The following DLGAP1 variants were observed in gnomAD, a reference collection of about 807,000 sequenced individuals.
DLGAP1 encodes the protein DLG associated protein 1, also known as disks large-associated protein 1.
Under a neutral mutation model 90.8 loss-of-function variants are expected in DLGAP1, and 11 were observed. That is an observed-to-expected ratio of 0.12 (90% CI 0.08 to 0.20). The LOEUF (loss-of-function observed/expected upper bound fraction) is 0.20. Among genes scored for constraint, DLGAP1 ranks in the 10% least tolerant of loss-of-function variants. The pLI, the probability that DLGAP1 is intolerant of heterozygous loss-of-function variation, is 1.00. For synonymous variants in DLGAP1, 558 were observed against 540.7 expected, an observed-to-expected ratio of 1.03 and a Z score of -0.44; for missense variants, 1,050 against 1,333.8, an observed-to-expected ratio of 0.79 and a Z score of 3.31.
intron 5 of DLGAP1, among the ~76,000 whole-genome samples, chr18:3,776,804 A>T (rs932442421): frequency 3.3e-5 from 5 of 152,072 alleles, no homozygotes; most frequent in African/African-American, 1.2e-4. Flanking sequence ...TAATTAATTA[A>T]TTTTGAGACA....
chr18:3,632,120 G>A (rs553302785), intron 7 of DLGAP1, among the ~76,000 whole-genome samples: 28 of 152,152 alleles, frequency 1.8e-4, no homozygotes, highest in African/African-American at 4.3e-4. Context: ...ATGCCCATGC[G>A]TCCTTACTTA....
intron 1 of DLGAP1, among the ~76,000 whole-genome samples, chr18:4,263,282 A>G (rs2145280116): frequency 1.3e-5 from 2 of 152,308 alleles, no homozygotes; most frequent in South Asian, 4.1e-4. Context: ...TGGTTCTGCA[A>G]CTATCAATAC....
chr18:4,017,939 C>T (rs2074549479), intron 2 of DLGAP1, among the ~76,000 whole-genome samples: 1 of 151,948 alleles, frequency 6.6e-6, no homozygotes, highest in African/African-American at 2.4e-5. Flanking sequence ...ATTCAGTTTG[C>T]TTTTCAAAAG....
At chr18:3,552,528 G>A (rs2053533629) in intron 9 of DLGAP1, among the ~76,000 whole-genome samples, 1 of 152,198 alleles carries the variant, frequency 6.6e-6, no homozygotes, top group Non-Finnish European at 1.5e-5. Flanking sequence ...GCCATGTAGA[G>A]GGTTCTGTGC....
chr18:3,786,456 T>C (rs555176264), intron 5 of DLGAP1, among the ~76,000 whole-genome samples: 2 of 152,148 alleles, frequency 1.3e-5, no homozygotes, highest in Non-Finnish European at 2.9e-5. Flanking sequence ...CAGAGGCACA[T>C]GTGGGCTTAG....
chr18:3,895,966 A>AT (rs1362500712), intron 3 of DLGAP1: 23 of 152,154 alleles, frequency 1.5e-4, no homozygotes, highest in Admixed American at 1.4e-3. Context: ...AGGAGGGAAG[A>AT]TTTTTTCTCT....
At chr18:4,357,991 G>A (rs1034925763) in intron 1 of DLGAP1, among the ~76,000 whole-genome samples, 2 of 152,204 alleles carry the variant, frequency 1.3e-5, no homozygotes, top group African/African-American at 4.8e-5. Context: ...GCTTGCCCAA[G>A]GCTGGAGCTT....
intron 9 of DLGAP1, among the ~76,000 whole-genome samples, chr18:3,539,159 A>G (rs1220413229): frequency 6.6e-6 from 1 of 152,222 alleles, no homozygotes; most frequent in Non-Finnish European, 1.5e-5. Context: ...TTCATAAGCA[A>G]AGTTCCTTTT....
At chr18:3,671,684 C>T (rs1187536559) in intron 7 of DLGAP1, among the ~76,000 whole-genome samples, 2 of 152,190 alleles carry the variant, frequency 1.3e-5, no homozygotes, top group Admixed American at 6.5e-5. Flanking sequence ...GATATATTCT[C>T]CCACACATAC....
intron 7 of DLGAP1, among the ~76,000 whole-genome samples, chr18:3,712,736 G>A (rs993726273): frequency 1.3e-5 from 2 of 152,204 alleles, no homozygotes; most frequent in African/African-American, 4.8e-5. Context: ...CTTTCCCACA[G>A]TGCATATGGG....
At chr18:4,003,280 G>A (rs2074234442) in intron 3 of DLGAP1, among the ~76,000 whole-genome samples, 1 of 152,148 alleles carries the variant, frequency 6.6e-6, no homozygotes, top group African/African-American at 2.4e-5. Flanking sequence ...CATGGAATTG[G>A]CCATGGGTCC....
intron 1 of DLGAP1, among the ~76,000 whole-genome samples, chr18:4,404,413 G>A (rs1047828546): frequency 2.2e-4 from 34 of 152,134 alleles, no homozygotes; most frequent in Admixed American, 1.7e-3. Context: ...TCTGGAGACC[G>A]CAAGAAAACA....
intron 1 of DLGAP1, among the ~76,000 whole-genome samples, chr18:4,229,135 G>A (rs1029610484): frequency 9.9e-5 from 15 of 151,714 alleles, no homozygotes; most frequent in Admixed American, 2.6e-4. Flanking sequence ...CCAAAGAAGC[G>A]AAAGATCTAT....
intron 4 of DLGAP1, among the ~76,000 whole-genome samples, chr18:3,838,071 G>A (rs2068507205): frequency 1.3e-5 from 2 of 152,024 alleles, no homozygotes; most frequent in South Asian, 4.1e-4. Flanking sequence ...AGAAATAGAA[G>A]GCAGAGACAA....
intron 5 of DLGAP1, among the ~76,000 whole-genome samples, chr18:3,812,998 T>G (rs1277789089): frequency 1.3e-5 from 2 of 152,238 alleles, no homozygotes; most frequent in East Asian, 1.9e-4. Flanking sequence ...GAATTCTATC[T>G]ATTTCTACAT....
intron 1 of DLGAP1, among the ~76,000 whole-genome samples, chr18:4,191,125 A>G (rs1159145765): frequency 1.3e-5 from 2 of 152,148 alleles, no homozygotes; most frequent in Non-Finnish European, 2.9e-5. Context: ...TTTTTCCTTT[A>G]AACAATCATT....
At chr18:4,266,143 C>G (rs925000791) in intron 1 of DLGAP1, among the ~76,000 whole-genome samples, 1 of 152,144 alleles carries the variant, frequency 6.6e-6, no homozygotes, top group African/African-American at 2.4e-5. Context: ...TTTCATTTAG[C>G]TGATTTTTCA....
At chr18:4,038,693 G>T (rs963954679) in intron 2 of DLGAP1, among the ~76,000 whole-genome samples, 4 of 152,048 alleles carry the variant, frequency 2.6e-5, no homozygotes, top group Non-Finnish European at 5.9e-5. Flanking sequence ...ATATGTTCTG[G>T]AGTATTTTTC....
chr18:3,776,150 G>C (rs1045041744), intron 5 of DLGAP1, among the ~76,000 whole-genome samples: 14 of 152,144 alleles, frequency 9.2e-5, no homozygotes, highest in African/African-American at 2.9e-4. Flanking sequence ...TCCGCATACG[G>C]GATCACCAGC....
Sources: gnomAD v4.1 joint callset for allele counts (sites outside exome capture counted in the v4.1 genomes callset) on GRCh38, gnomAD v4.1.1 for gene constraint, MANE v1.5 for transcripts, NCBI Gene and HGNC (gene_info 2026-07-23, HGNC 2026-07-21) for gene names.